The following FAM161A variants were observed in gnomAD, a reference collection of about 807,000 sequenced individuals.
FAM161A encodes protein FAM161A.
A neutral mutation model predicts 70.9 loss-of-function variants in FAM161A; 57 were observed. The observed-to-expected ratio is 0.80, with a 90% CI of 0.65 to 1.00. FAM161A has a LOEUF of 1.00. Among genes scored for constraint, FAM161A ranks in the 50% least tolerant of loss-of-function variants. FAM161A has a pLI of 0.00. For synonymous variants in FAM161A, 299 were observed against 295.7 expected (o/e 1.01, Z -0.12); for missense variants, 880 against 836.0 (o/e 1.05, Z -0.65).
At position 61,835,884 on chromosome 2, in the gene FAM161A, AAAC is replaced by A. The variant is rs2105073403; in HGVS notation, c.1851+123_1851+125del. On this transcript the variant is annotated intron_variant, in intron 5 of 6. Transcript: ENST00000404929. ...TTGGCTGATATGATGAAGCCAACAC[AAAC>A]AACAATAATGTATCTCAACAGTTAT... The A allele has an allele frequency of 5.2e-6, 4 of 763,680 alleles. No homozygotes were observed. In the South Asian group the frequency reaches 6.1e-5, roughly 12 times the overall value. 47.3% of individuals were successfully genotyped at this position (763,680 alleles called of 1,614,324 possible).
chr2:61,803,441 C>T, the FAM161A span: 5 of 658,946 alleles, frequency 7.6e-6, no homozygotes, highest in Non-Finnish European at 8.4e-6. Context: ...ACTGCAAAGG[C>T]CAGTGTTGGT....
intron 2 of FAM161A, among the ~76,000 whole-genome samples, chr2:61,841,046 C>T (rs1362408881): frequency 6.6e-6 from 1 of 152,192 alleles, no homozygotes. Flanking sequence ...TAGAGCTGGG[C>T]AATGCCCATA....
At chr2:61,846,918 T>G (rs986486359) in intron 1 of FAM161A, 1 of 454,984 alleles carries the variant, frequency 2.2e-6, no homozygotes, top group South Asian at 1.6e-5. Flanking sequence ...CAGTGGTTCA[T>G]GCCTGTAATC....
At chr2:61,848,045 T>C (rs1673292976) in intron 1 of FAM161A, among the ~76,000 whole-genome samples, 1 of 152,252 alleles carries the variant, frequency 6.6e-6, no homozygotes, top group Non-Finnish European at 1.5e-5. Flanking sequence ...AAAACTATAA[T>C]TAAAACAGGG....
chr2:61,835,930 T>C lies in FAM161A; in HGVS notation c.1851+80A>G. The C allele has an allele frequency of 5.4e-6, 5 of 918,774 alleles. No homozygotes were observed. In the Admixed American group the frequency reaches 1.1e-4, roughly 19 times the overall value. 56.9% of individuals were successfully genotyped at this position (918,774 alleles called of 1,614,324 possible). A position where few individuals can be genotyped will look rare whatever the true frequency, so the allele number is the denominator to read the frequency against. ...ACAGTTATATAACACATAAGAAAAA[T>C]GGACTGTAAATTTAGGAGCTAAAGC... On this transcript the variant is annotated intron_variant, in intron 5 of 6. Transcript: ENST00000404929.
downstream of FAM161A, among the ~76,000 whole-genome samples, chr2:61,821,936 A>G (rs1184415384): frequency 6.6e-6 from 1 of 151,374 alleles, no homozygotes; most frequent in African/African-American, 2.4e-5. Flanking sequence ...TACCCGGCTA[A>G]TTTTTGTATT....
At chr2:61,837,138 G>T (rs1178614642) in intron 4 of FAM161A, among the ~76,000 whole-genome samples, 1 of 152,154 alleles carries the variant, frequency 6.6e-6, no homozygotes, top group African/African-American at 2.4e-5. Context: ...GAGGTGTTGG[G>T]ATTACAGATG....
At chr2:61,838,010 T>C (rs1672837302) in intron 4 of FAM161A, among the ~76,000 whole-genome samples, 1 of 152,238 alleles carries the variant, frequency 6.6e-6, no homozygotes, top group African/African-American at 2.4e-5. Context: ...TCTGGAACAC[T>C]GGTTTTCAAA....
At chr2:61,812,881 A>T in the FAM161A span, among the ~76,000 whole-genome samples, 574 of 152,080 alleles carry the variant, frequency 3.8e-3, 1 homozygote, top group Non-Finnish European at 6.9e-3. Flanking sequence ...CATGCTGGCT[A>T]ATACGGTGAA....
rs1558483763 is a variant in FAM161A at position 61,839,892 on chromosome 2, T to A, written c.1112A>T (p.Asp371Val). Residue 371 changes from aspartate to valine, a missense_variant, in exon 3 of 7, where the codon GAC becomes GTC. Coordinates refer to ENST00000404929, the MANE Select transcript of FAM161A (RefSeq NM_001201543.2). ...ATAGAGCTCTTCTTCTTTTAACTTG[T>A]CATTGGTAGTTGAACCATAAGTAGA... is the stretch of plus-strand genomic sequence containing the variant. ...PRSTYGSTTN[D>V]KLKEEELYRN... 3 of 1,614,122 alleles carry A rather than the reference T, an allele frequency of 1.9e-6. No individual in the cohort carries two copies. The highest frequency in any genetic ancestry group is 1.3e-5 in the African/African-American group (1 of 74,948).
chr2:61,838,478 AT>A, intron 4 of FAM161A, 59 bp downstream of exon 4: 1 of 1,407,462 alleles, frequency 7.1e-7, no homozygotes, highest in Non-Finnish European at 9.9e-7. Context: ...CTATCTACTG[AT>A]TAAAAAAAAA....
At position 61,829,137 on chromosome 2, in the gene FAM161A, C is replaced by A. The variant is rs375606586; in HGVS notation, c.1852-1879G>T. Among the ~76,000 whole-genome samples, 3 of 152,220 alleles carry A rather than the reference C, an allele frequency of 2.0e-5. No individual in the cohort carries two copies. The East Asian group carries it at 5.8e-4, about 29-fold the overall frequency. ...AAACCAAGTCTCCCCCGGCCCCCGC[C>A]TCAAAGGTGAAATTGACTAAGGTCA... On this transcript the variant is annotated intron_variant, in intron 5 of 6. Transcript: ENST00000404929.
At chr2:61,821,781 A>T (rs914497471), downstream of FAM161A, among the ~76,000 whole-genome samples, 51 of 151,040 alleles carry the variant, frequency 3.4e-4, no homozygotes, top group African/African-American at 1.1e-3. Flanking sequence ...TATTATTATT[A>T]TTTTTTTAGA....
At chr2:61,808,339 C>G in the FAM161A span, among the ~76,000 whole-genome samples, 1 of 151,234 alleles carries the variant, frequency 6.6e-6, no homozygotes, top group Non-Finnish European at 1.5e-5. Context: ...GTGGCACGAT[C>G]TCAGCTCACT....
intron 1 of FAM161A, among the ~76,000 whole-genome samples, chr2:61,842,676 A>G (rs1227304048): frequency 6.6e-6 from 1 of 152,228 alleles, no homozygotes; most frequent in Admixed American, 6.5e-5. Context: ...CCCTTTACAA[A>G]GTATTTCTAT....
the FAM161A span, among the ~76,000 whole-genome samples, chr2:61,808,565 C>A: frequency 6.6e-6 from 1 of 152,158 alleles, no homozygotes; most frequent in Admixed American, 6.5e-5. Context: ...AGCCACCGTG[C>A]CTGGCCGGAA....
At chr2:61,853,039 G>A (rs1673551791) in intron 1 of FAM161A, among the ~76,000 whole-genome samples, 1 of 146,032 alleles carries the variant, frequency 6.8e-6, no homozygotes, top group African/African-American at 2.5e-5. Flanking sequence ...AGCCTTCCGA[G>A]TAACTAGGAT....
In FAM161A at chr2:61,839,743, T is replaced by C. The variant is rs1446588412; in HGVS notation, c.1261A>G (p.Lys421Glu). ...CPEQAVKLKC[K>E]HKVRCPTPDF... ...GGAGTTGGGCACCTAACCTTGTGTT[T>C]ACACTTCAACTTTACAGCCTGTTCA... Residue 421 changes from lysine to glutamate, a missense_variant, in exon 3 of 7, where the codon AAA becomes GAA. Coordinates refer to ENST00000404929, the MANE Select transcript of FAM161A (RefSeq NM_001201543.2). The C allele has an allele frequency of 1.2e-6, 2 of 1,614,206 alleles. No individual in the cohort carries two copies. Among genetic ancestry groups the C allele is most frequent in the South Asian group, 2.2e-5 (2 of 91,082 alleles).
intron 5 of FAM161A, among the ~76,000 whole-genome samples, chr2:61,831,727 A>G (rs1672581254): frequency 6.6e-6 from 1 of 152,162 alleles, no homozygotes; most frequent in African/African-American, 2.4e-5. Flanking sequence ...AAGGTCAGTT[A>G]AGACAATGCA....
Sources: gnomAD v4.1 joint callset for allele counts (sites outside exome capture counted in the v4.1 genomes callset) on GRCh38, gnomAD v4.1.1 for gene constraint, MANE v1.5 for transcripts, NCBI Gene and HGNC (gene_info 2026-07-23, HGNC 2026-07-21) for gene names.